The following DNAH10 variants were observed in gnomAD, a reference collection of about 807,000 sequenced individuals.
DNAH10 encodes dynein axonemal heavy chain 10.
A neutral mutation model predicts 506.6 loss-of-function variants in DNAH10; 348 were observed. That is an observed-to-expected ratio of 0.69 (90% CI 0.63 to 0.75). The LOEUF (loss-of-function observed/expected upper bound fraction) is 0.75. DNAH10 is among the 30% of genes least tolerant of loss of function. The probability of loss-of-function intolerance (pLI) is 0.00; values close to 1 mark genes in which losing one functional copy is unlikely to be tolerated. For synonymous variants in DNAH10, 2,059 were observed against 2,198.6 expected (o/e 0.94, Z 1.78); for missense variants, 5,179 against 5,787.1 (o/e 0.89, Z 3.41).
chr12:123,775,740 G>A (rs1160804091), intron 5 of DNAH10, among the ~76,000 whole-genome samples: 1 of 152,156 alleles, frequency 6.6e-6, no homozygotes, highest in Non-Finnish European at 1.5e-5. Context: ...GGCTATTGTG[G>A]GAAAACATAT....
In DNAH10 at chr12:123,813,368, C is replaced by T. The variant is rs766866531; in HGVS notation, c.3349C>T (p.Leu1117Phe). The T allele has an allele frequency of 2.5e-6, 4 of 1,614,246 alleles. No homozygotes were observed. In the South Asian group the frequency reaches 4.4e-5, roughly 18 times the overall value. ...YLQKWKRYRP[L>F]WKLDKAIVME... ...ACAAAAATGGAAGCGGTATCGACCT[C>T]TCTGGAAATTGGACAAAGCTATTGT... Residue 1117 changes from leucine to phenylalanine, a missense_variant, in exon 20 of 79, where the codon CTC becomes TTC. Transcript: ENST00000673944.
chr12:123,894,835 G>A, intron 54 of DNAH10, 112 bp downstream of exon 54: 2 of 909,700 alleles, frequency 2.2e-6, no homozygotes, highest in Non-Finnish European at 3.4e-6. Context: ...AAAACCCTAT[G>A]GTAACAAATG....
intron 26 of DNAH10, among the ~76,000 whole-genome samples, chr12:123,832,460 A>G (rs776035689): frequency 1.3e-5 from 2 of 152,222 alleles, no homozygotes; most frequent in Non-Finnish European, 2.9e-5. Flanking sequence ...CATAATATAC[A>G]TATAATGTAC....
At chr12:123,845,115 C>T (rs1374651004) in intron 30 of DNAH10, among the ~76,000 whole-genome samples, 1 of 152,144 alleles carries the variant, frequency 6.6e-6, no homozygotes, top group African/African-American at 2.4e-5. Context: ...GGCTCCAGCG[C>T]CCCTGGAGTA....
chr12:123,775,222 C>T (rs888727220), intron 5 of DNAH10, among the ~76,000 whole-genome samples: 2 of 152,154 alleles, frequency 1.3e-5, no homozygotes, highest in African/African-American at 4.8e-5. Flanking sequence ...GATCCTTCTG[C>T]CTCAGCCTCC....
Position 123,913,459 on chromosome 12 carries a change from T to A in DNAH10, c.10352+144T>A. ...GGTCTTATGTTCCTATTATCATGTT[T>A]ATGGCAGCTAATGGCTATTTTATAG... On this transcript the variant is annotated intron_variant, in intron 60 of 78. Coordinates refer to ENST00000673944, the MANE Select transcript of DNAH10 (RefSeq NM_001372106.1). This position sits in a 1 kb window ranked among gnomAD's most constrained non-coding sequence, Gnocchi z 5.1. 1 of 867,906 alleles carries A rather than the reference T, an allele frequency of 1.2e-6. No homozygotes were observed. The highest frequency in any genetic ancestry group is 1.7e-6 in the Non-Finnish European group (1 of 582,690). 53.8% of individuals were successfully genotyped at this position (867,906 alleles called of 1,614,324 possible).
chr12:123,816,906 C>T (rs554680886), intron 21 of DNAH10, among the ~76,000 whole-genome samples: 7 of 152,280 alleles, frequency 4.6e-5, no homozygotes, highest in South Asian at 4.2e-4. Flanking sequence ...CATACCAGCA[C>T]GAATAAGGGT....
Position 123,916,860 on chromosome 12 carries a change from A to C in DNAH10, c.11002+124A>C. On this transcript the variant is annotated intron_variant, in intron 63 of 78. Coordinates refer to ENST00000673944, the MANE Select transcript of DNAH10 (RefSeq NM_001372106.1). The surrounding 1 kb of genome is among the most constrained non-coding windows in gnomAD (Gnocchi z 4.6). The stretch of plus-strand genomic sequence containing the variant: ...CCCCAGATCATTCTCTCATAGGCAC[A>C]TCTGGACTAGTCAGCTCTTACCAAT... 8.2e-7 allele frequency: 1 copy of C among 1,225,118 alleles called. No homozygotes were observed. The highest frequency in any genetic ancestry group is 1.1e-6 in the Non-Finnish European group (1 of 902,150). The allele number at this position is 1,225,118 out of a possible 1,614,324, so 75.9% of individuals were successfully genotyped here.
At chr12:123,822,817 C>T (rs1278295370) in intron 24 of DNAH10, among the ~76,000 whole-genome samples, 2 of 152,186 alleles carry the variant, frequency 1.3e-5, no homozygotes, top group East Asian at 1.9e-4. Context: ...CAGTCAGGCA[C>T]AGAGGTTGCA....
rs1959430015 is a variant in DNAH10, at chr12:123,821,751, G to C, written c.4179+993G>C. ...GCTTGGTTAAGGCATGGGGTAAACT[G>C]TTTAGTTGCAAGCGGAGATTAAAAG... On this transcript the variant is annotated intron_variant, in intron 24 of 78. Transcript: ENST00000673944. 2.0e-5 allele frequency among the ~76,000 whole-genome samples: 3 copies of C among 151,964 alleles called. No homozygotes were observed. The South Asian group carries it at 6.3e-4, about 32-fold the overall frequency.
chr12:123,864,264 G>A (rs557485935), intron 39 of DNAH10, among the ~76,000 whole-genome samples: 105 of 149,352 alleles, frequency 7.0e-4, no homozygotes, highest in Middle Eastern at 3.5e-3. Flanking sequence ...TCCTGCCTCA[G>A]CCTCCTGAGT....
At chr12:123,932,162 C>T (rs1403500039) in intron 76 of DNAH10, 54 bp downstream of exon 76, 4 of 1,597,240 alleles carry the variant, frequency 2.5e-6, no homozygotes, top group Admixed American at 1.7e-5. Context: ...AGCCTAGACT[C>T]CTCAAACCAC....
At chr12:123,921,141 GTGCTCGCC>G (rs1372935732) in intron 65 of DNAH10, among the ~76,000 whole-genome samples, 2 of 152,126 alleles carry the variant, frequency 1.3e-5, no homozygotes, top group East Asian at 3.9e-4. Flanking sequence ...TCTGAATTTT[GTGCTCGCC>G]TCTCTGTAGT....
Position 123,859,249 on chromosome 12 carries a change from CTG to C in DNAH10, c.6734_6735del (p.Cys2245SerfsTer63), listed in dbSNP as rs1255021316. The C allele has an allele frequency of 1.2e-6, 2 of 1,608,392 alleles. No homozygotes were observed. The highest frequency in any genetic ancestry group is 2.7e-5 in the African/African-American group (2 of 74,874). On this transcript the variant is annotated frameshift_variant, in exon 38 of 79. Coordinates refer to ENST00000673944, the MANE Select transcript of DNAH10 (RefSeq NM_001372106.1). LOFTEE classifies it high-confidence loss of function. ...RGGKSVVINT[L>X]CQAQTKLGLT... ...GGGCAAGTCCGTCGTCATTAACACT[CTG>C]TGTCAGGCCCAGACCAAGTGAGTAT...
intron 1 of DNAH10, among the ~76,000 whole-genome samples, chr12:123,764,188 C>A (rs530628167): frequency 1.3e-3 from 191 of 152,184 alleles, no homozygotes; most frequent in Non-Finnish European, 2.4e-3. Context: ...TTTAAATATT[C>A]ATTATTTGCT....
rs758539952 is a variant in DNAH10 at position 123,873,707 on chromosome 12, A to G, written c.7935A>G (p.Pro2645=). 1.2e-6 allele frequency: 2 copies of G among 1,607,346 alleles called. No homozygotes were observed. The highest frequency in any genetic ancestry group is 1.7e-6 in the Non-Finnish European group (2 of 1,176,748). ...TGTTCATGGATGACATGAATATGCC[A>G]AGGGTAGTTTGACGCTCAAGCAGGT... ...LLVFMDDMNM[P]RVDEYGTQQP... is the part of the protein sequence containing the mutation. Residue 2645 remains proline, a synonymous_variant, in exon 46 of 79, where the codon CCA becomes CCG. Coordinates refer to ENST00000673944, the MANE Select transcript of DNAH10 (RefSeq NM_001372106.1).
intron 65 of DNAH10, chr12:123,922,821 G>A (rs968482617): frequency 1.3e-5 from 2 of 152,130 alleles, no homozygotes; most frequent in African/African-American, 4.8e-5. Context: ...AGGTTGGACT[G>A]GGCCCACCTT....
In DNAH10 at chr12:123,848,030, G is replaced by A. The variant is rs776829118; in HGVS notation, c.5884G>A (p.Asp1962Asn). Residue 1962 changes from aspartate (D) to asparagine (N), a missense_variant, in exon 33 of 79, where the codon GAC becomes AAC. Transcript: ENST00000673944. ...AACCGGCAAAACCGAGACCACCAAG[G>A]ACCTGGCGAAAGCCTTGGGCTTGCT... ...AGTGKTETTK[D>N]LAKALGLLCV... The A allele has an allele frequency of 5.6e-6, 9 of 1,614,000 alleles. No homozygotes were observed. The South Asian group carries it at 8.8e-5, about 16-fold the overall frequency.
Position 123,928,299 on chromosome 12 carries a change from C to T in DNAH10, c.12106-88C>T. On this transcript the variant is annotated intron_variant, in intron 69 of 78. Coordinates refer to ENST00000673944, the MANE Select transcript of DNAH10 (RefSeq NM_001372106.1). This position sits in a 1 kb window ranked among gnomAD's most constrained non-coding sequence, Gnocchi z 4.9. ...TGGCTTCTGCTGGAGCTGCCATCGC[C>T]CTTCTGTGGGTGTGGAGTGGGTCTC... The T allele has an allele frequency of 7.0e-7, 1 of 1,420,752 alleles. No homozygotes were observed. The highest frequency in any genetic ancestry group is 9.5e-7 in the Non-Finnish European group (1 of 1,053,362). The allele number at this position is 1,420,752 out of a possible 1,614,324, so 88.0% of individuals were successfully genotyped here.
Sources: gnomAD v4.1 joint callset for allele counts (sites outside exome capture counted in the v4.1 genomes callset) on GRCh38, gnomAD v4.1.1 for gene constraint, Gnocchi (gnomAD v3.1) non-coding constraint, MANE v1.5 for transcripts, NCBI Gene and HGNC (gene_info 2026-07-23, HGNC 2026-07-21) for gene names.